Variants in KLHL41 observed in about 807,000 individuals in gnomAD.
KLHL41 encodes kelch like family member 41, also known as kelch-like protein 41.
KLHL41 carries 31 observed loss-of-function variants against 49.2 expected under a neutral mutation model. The ratio of observed to expected loss-of-function variants is 0.63; its 90% CI spans 0.47 to 0.85. The LOEUF is 0.85. Among genes scored for constraint, KLHL41 ranks in the 40% least tolerant of loss-of-function variants. The pLI is 0.00. For synonymous variants in KLHL41, 218 were observed against 258.5 expected (o/e 0.84, Z 1.50); for missense variants, 663 against 726.7 (o/e 0.91, Z 1.01).
chr2:169,520,486 C>G (rs1324596959), intron 4 of KLHL41, among the ~76,000 whole-genome samples: 1 of 151,112 alleles, frequency 6.6e-6, no homozygotes, highest in Non-Finnish European at 1.5e-5. Flanking sequence ...GAGTCTCGCT[C>G]TGTTGCCCAG....
intron 4 of KLHL41, among the ~76,000 whole-genome samples, chr2:169,520,193 TGTGTGTGTGTGTGTG>T (rs1369618263): frequency 2.0e-5 from 3 of 146,536 alleles, no homozygotes; most frequent in Non-Finnish European, 4.5e-5. Flanking sequence ...TGTGTGTGTG[TGTGTGTGTGTGTGTG>T]TAGACAGTCC....
At chr2:169,520,498 C>A (rs1461236970) in intron 4 of KLHL41, among the ~76,000 whole-genome samples, 1 of 151,750 alleles carries the variant, frequency 6.6e-6, no homozygotes, top group Non-Finnish European at 1.5e-5. Context: ...GTTGCCCAGG[C>A]TGGAGTACAG....
intron 3 of KLHL41, among the ~76,000 whole-genome samples, chr2:169,517,406 C>A (rs1257692731): frequency 6.6e-6 from 1 of 152,206 alleles, no homozygotes; most frequent in African/African-American, 2.4e-5. Flanking sequence ...AATTCGAGAC[C>A]AGCCTGGCCA....
rs148585409 is a variant in KLHL41 at position 169,517,038 on chromosome 2, A to G, written c.1377-1152A>G. On this transcript the variant is annotated intron_variant, in intron 3 of 5. Coordinates refer to ENST00000284669, the MANE Select transcript of KLHL41 (RefSeq NM_006063.3). ...CAGAAATAAATAAATAAATAAAAGT[A>G]AGTGCTGAATTGCACCAGTTCCCAC... Among the ~76,000 whole-genome samples the G allele has an allele frequency of 4.6e-4, 70 of 152,128 alleles. 1 individual carries two copies. Among genetic ancestry groups the G allele is most frequent in the African/African-American group, 1.5e-3 (61 of 41,510 alleles).
chr2:169,525,020 C>T (rs1458065711), intron 5 of KLHL41, among the ~76,000 whole-genome samples: 2 of 152,190 alleles, frequency 1.3e-5, no homozygotes, highest in Non-Finnish European at 2.9e-5. Context: ...ATCTTTATAA[C>T]CTTGAATATT....
rs772319708 is a variant in KLHL41 at position 169,510,347 on chromosome 2, T to C, written c.569T>C (p.Val190Ala). 6.2e-6 allele frequency: 10 copies of C among 1,613,860 alleles called. No individual in the cohort carries two copies. The highest frequency in any genetic ancestry group is 1.3e-5 in the African/African-American group (1 of 74,832). Reference sequence around the variant, plus strand: ...GTCATTTCAAATGACAGCCTAAATGTAGAAAAAGAAGAAGCAGTATTTGAG... The same window carrying C: ...GTCATTTCAAATGACAGCCTAAATGCAGAAAAAGAAGAAGCAGTATTTGAG... ...ISVISNDSLNVEKEEAVFEAV... is the reference protein window; with the variant it reads ...ISVISNDSLNAEKEEAVFEAV... The change falls in exon 1 of 6, where the codon GTA (valine) becomes GCA (alanine). Residue 190 changes from valine to alanine, a missense_variant. Coordinates refer to ENST00000284669, the MANE Select transcript of KLHL41 (RefSeq NM_006063.3). This position sits in a 1 kb window ranked among gnomAD's most constrained non-coding sequence, Gnocchi z 4.2.
chr2:169,520,316 G>GTGTGTGTGTA (rs1684184119), intron 4 of KLHL41, among the ~76,000 whole-genome samples: 5 of 139,898 alleles, frequency 3.6e-5, no homozygotes, highest in South Asian at 2.5e-4. Context: ...GTGTGTATGT[G>GTGTGTGTGTA]TGTGTGTGTG....
chr2:169,510,474 T>G lies in KLHL41; in HGVS notation c.696T>G (p.Phe232Leu). 6.2e-7 allele frequency: 1 copy of G among 1,613,978 alleles called. No individual in the cohort carries two copies. Among genetic ancestry groups the G allele is most frequent in the Non-Finnish European group, 8.5e-7 (1 of 1,179,938 alleles). The change falls in exon 1 of 6, where the codon TTT becomes TTG. Residue 232 changes from phenylalanine (F) to leucine (L), a missense_variant. By Grantham distance (22) the Phe-to-Leu change is conservative (BLOSUM62 0). Around this residue, in one of 3 missense-constraint regions of KLHL41, gnomAD observed 528 missense variants for 581.0 expected, o/e 0.91. Transcript: ENST00000284669. The surrounding 1 kb of genome is among the most constrained non-coding windows in gnomAD (Gnocchi z 4.2). The stretch of plus-strand genomic sequence containing the variant: ...TTCGCCTTATGACAGAAAAATATTT[T>G]AAGGATCATGTTGAGAAAGATGATA... ...IRFRLMTEKY[F>L]KDHVEKDDII... is the part of the protein sequence containing the mutation.
Position 169,518,315 on chromosome 2 carries a change from G to T in KLHL41, c.1502G>T (p.Gly501Val). ...AVHKGKIVIA[G>V]GVTEDGLSAS... The stretch of plus-strand genomic sequence containing the variant: ...CATAAAGGCAAAATTGTGATTGCAG[G>T]AGGTGTCACTGAAGATGGTCTTTCA... Residue 501 changes from glycine (G) to valine (V), a missense_variant, in exon 4 of 6, where the codon GGA (glycine) becomes GTA (valine). Around this residue, in one of 3 missense-constraint regions of KLHL41, gnomAD observed 528 missense variants for 581.0 expected, o/e 0.91. Transcript: ENST00000284669. 6.2e-7 allele frequency: 1 copy of T among 1,614,038 alleles called. No individual in the cohort carries two copies. The highest frequency in any genetic ancestry group is 8.5e-7 in the Non-Finnish European group (1 of 1,179,938).
intron 5 of KLHL41, 54 bp downstream of exon 5, chr2:169,521,061 T>C: frequency 4.5e-6 from 7 of 1,541,846 alleles, no homozygotes; most frequent in Non-Finnish European, 5.4e-6. Context: ...AGATGACTGA[T>C]AAACTATTTT....
chr2:169,523,174 G>T (rs1243007138), intron 5 of KLHL41, among the ~76,000 whole-genome samples: 1 of 152,186 alleles, frequency 6.6e-6, no homozygotes, highest in African/African-American at 2.4e-5. Context: ...GGCAGCAAAA[G>T]AAAGTACAGA....
rs1673134912 is a variant in KLHL41 at position 169,525,745 on chromosome 2, G to A, written c.*49G>A. On this transcript the variant is annotated 3_prime_UTR_variant, in exon 6 of 6. Coordinates refer to ENST00000284669, the MANE Select transcript of KLHL41 (RefSeq NM_006063.3). The stretch of plus-strand genomic sequence containing the variant: ...TTGGGAGGTGGTTTGTTTGGTGAAT[G>A]GGGCTTTAATTTATTCTGTTTTTTA... The A allele has an allele frequency of 2.9e-6, 3 of 1,021,846 alleles. No homozygotes were observed. The highest frequency in any genetic ancestry group is 3.7e-5 in the Admixed American group (2 of 54,290). 63.3% of individuals were successfully genotyped at this position (1,021,846 alleles called of 1,614,324 possible). A position where few individuals can be genotyped will look rare whatever the true frequency, so the allele number is the denominator to read the frequency against.
chr2:169,511,287 C>T (rs1684026523), intron 1 of KLHL41, among the ~76,000 whole-genome samples: 1 of 152,126 alleles, frequency 6.6e-6, no homozygotes, highest in Admixed American at 6.6e-5. Context: ...TGGGCTCAAG[C>T]AATACTCCCA....
intron 4 of KLHL41, 26 bp downstream of exon 4, chr2:169,518,401 GC>G (rs747013428): frequency 6.6e-7 from 1 of 1,509,014 alleles, no homozygotes; most frequent in South Asian, 1.2e-5. Context: ...TTAGTATATA[GC>G]ATGTGAACAA....
At chr2:169,512,898 GA>G (rs1234372865) in intron 1 of KLHL41, among the ~76,000 whole-genome samples, 2 of 151,970 alleles carry the variant, frequency 1.3e-5, no homozygotes, top group East Asian at 1.9e-4. Context: ...GGTAAGGGAG[GA>G]TTTTTTCCCC....
rs1684013206 is a variant in KLHL41, at chr2:169,510,424, A to G, written c.646A>G (p.Ser216Gly). ...CAAGGAAAACAGGGTTAAAAACCTT[A>G]GTGAAGTGTTTGATTGTATCCGTTT... ...TDKENRVKNL[S>G]EVFDCIRFRL... The change falls in exon 1 of 6, where the codon AGT (serine) becomes GGT (glycine). Residue 216 changes from serine to glycine, a missense_variant. By Grantham distance (56) the Ser-to-Gly change is moderately conservative. Coordinates refer to ENST00000284669, the MANE Select transcript of KLHL41 (RefSeq NM_006063.3). This position sits in a 1 kb window ranked among gnomAD's most constrained non-coding sequence, Gnocchi z 4.2. 2 of 1,614,152 alleles carry G rather than the reference A, an allele frequency of 1.2e-6. No homozygotes were observed. The highest frequency in any genetic ancestry group is 1.7e-6 in the Non-Finnish European group (2 of 1,180,034).
rs1684295302 is a variant in KLHL41 at position 169,525,761 on chromosome 2, CTGT to C, written c.*67_*69del. 6 of 904,602 alleles carry C rather than the reference CTGT, an allele frequency of 6.6e-6. No homozygotes were observed. Among genetic ancestry groups the C allele is most frequent in the African/African-American group, 3.3e-5 (2 of 60,102 alleles). The allele number at this position is 904,602 out of a possible 1,614,324, so 56.0% of individuals were successfully genotyped here. The stretch of plus-strand genomic sequence containing the variant: ...TTGGTGAATGGGGCTTTAATTTATT[CTGT>C]TTTTTAAAAGCTTGTACAGACACTC... On this transcript the variant is annotated 3_prime_UTR_variant, in exon 6 of 6. Coordinates refer to ENST00000284669, the MANE Select transcript of KLHL41 (RefSeq NM_006063.3).
At chr2:169,515,120 G>T (rs1396961605) in intron 3 of KLHL41, among the ~76,000 whole-genome samples, 159 bp downstream of exon 3, 1 of 147,322 alleles carries the variant, frequency 6.8e-6, no homozygotes, top group Non-Finnish European at 1.5e-5. Flanking sequence ...TGCAACCGCC[G>T]CCTCCTGGGT....
At chr2:169,517,122 T>C (rs186104924) in intron 3 of KLHL41, among the ~76,000 whole-genome samples, 1 of 152,330 alleles carries the variant, frequency 6.6e-6, no homozygotes, top group Admixed American at 6.5e-5. Context: ...GTTCAAATGA[T>C]ACCAATAGTC....
Sources: allele counts gnomAD v4.1 joint callset (sites outside exome capture counted in the v4.1 genomes callset), GRCh38; gene constraint gnomAD v4.1.1; regional missense constraint gnomAD v4.1.1; non-coding constraint Gnocchi (gnomAD v3.1); transcripts MANE v1.5; gene names NCBI Gene and HGNC (gene_info 2026-07-23, HGNC 2026-07-21).